The following INPP4B variants were observed in gnomAD, a reference collection of about 807,000 sequenced individuals.
The protein encoded by INPP4B is inositol polyphosphate-4-phosphatase type II B, also known as inositol polyphosphate 4-phosphatase type II.
INPP4B carries 55 observed loss-of-function variants against 122.5 expected under a neutral mutation model. That is an observed-to-expected ratio of 0.45 (90% CI 0.36 to 0.56). INPP4B has a LOEUF of 0.56. INPP4B is among the 20% of genes least tolerant of loss of function. INPP4B has a pLI of 0.00. For missense variants in INPP4B, 1,000 were observed against 1,097.7 expected (o/e 0.91, Z 1.26); for synonymous variants, 403 against 388.7 (o/e 1.04, Z -0.43).
intron 2 of INPP4B, among the ~76,000 whole-genome samples, chr4:142,640,110 A>C (rs1343614572): frequency 6.6e-6 from 1 of 152,178 alleles, no homozygotes; most frequent in Non-Finnish European, 1.5e-5. Flanking sequence ...CTGTGACTGT[A>C]CTAGGCAAAC....
In INPP4B at chr4:142,397,939, T is replaced by G. The variant is rs189245673; in HGVS notation, c.372+4999A>C. 3.9e-5 allele frequency among the ~76,000 whole-genome samples: 6 copies of G among 152,222 alleles called. No homozygotes were observed. The East Asian group carries it at 7.7e-4, about 20-fold the overall frequency. ...GGAAATAAAAGTGAGAGAAATCCTA[T>G]GGACAATATATGTACCATAACATAG... On this transcript the variant is annotated intron_variant, in intron 7 of 25. Transcript: ENST00000262992.
intron 2 of INPP4B, among the ~76,000 whole-genome samples, chr4:142,699,868 T>G (rs1761495402): frequency 6.6e-6 from 1 of 152,112 alleles, no homozygotes; most frequent in South Asian, 2.1e-4. Flanking sequence ...TAAAACTAAC[T>G]CCAATTTATA....
At chr4:142,040,464 C>G (rs540911627) in intron 25 of INPP4B, among the ~76,000 whole-genome samples, 5 of 151,960 alleles carry the variant, frequency 3.3e-5, no homozygotes, top group Non-Finnish European at 5.9e-5. Context: ...TGGAGGAGAG[C>G]GTAAAATAAT....
At chr4:142,080,402 G>A (rs1441220757) in intron 25 of INPP4B, among the ~76,000 whole-genome samples, 1 of 151,962 alleles carries the variant, frequency 6.6e-6, no homozygotes. Context: ...CTCACACTCT[G>A]GCACGGTCCT....
chr4:142,146,452 A>T (rs336399), intron 17 of INPP4B, among the ~76,000 whole-genome samples: 71,542 of 151,894 alleles, frequency 0.47, 20,598 homozygotes, highest in East Asian at 0.68. Context: ...GTATATTCAC[A>T]TTGTCATACA....
chr4:142,596,767 C>T lies in INPP4B; in HGVS notation c.-191+129072G>A, dbSNP rs1206781837. Among the ~76,000 whole-genome samples, 3 of 152,202 alleles carry T rather than the reference C, an allele frequency of 2.0e-5. No homozygotes were observed. In the East Asian group the frequency reaches 5.8e-4, roughly 29 times the overall value. ...CACCACAATCCTTAGCACATGGCCT[C>T]TCTGCTATCAGCTAAAGCAGCATGC... On this transcript the variant is annotated intron_variant, in intron 2 of 25. Coordinates refer to ENST00000262992, the MANE Select transcript of INPP4B (RefSeq NM_001101669.3).
At chr4:142,323,484 C>A (rs1486729281) in intron 7 of INPP4B, among the ~76,000 whole-genome samples, 1 of 133,178 alleles carries the variant, frequency 7.5e-6, no homozygotes, top group African/African-American at 2.8e-5. Flanking sequence ...CTCACTCTGT[C>A]GCCCAGGCTG....
At chr4:142,206,355 CT>C (rs35063723) in intron 14 of INPP4B, among the ~76,000 whole-genome samples, 99,673 of 129,908 alleles carry the variant, frequency 0.77, 37,616 homozygotes, top group Non-Finnish European at 0.82. Flanking sequence ...CTCTCTCTCT[CT>C]TTTTTTTTTT....
chr4:142,772,507 G>T lies in INPP4B; in HGVS notation c.-253-46606C>A, dbSNP rs150964260. Among the ~76,000 whole-genome samples the T allele has an allele frequency of 7.8e-4, 118 of 152,234 alleles. 1 individual carries two copies. The highest frequency in any genetic ancestry group is 2.5e-3 in the South Asian group (12 of 4,826). Reference sequence around the variant, plus strand: ...CTTAAATAATGCATAGATATCAGTAGATGGAAGAAAAGGGAAGGAGCTGAA... The same window carrying T: ...CTTAAATAATGCATAGATATCAGTATATGGAAGAAAAGGGAAGGAGCTGAA... On this transcript the variant is annotated intron_variant, in intron 1 of 25. Transcript: ENST00000262992.
chr4:142,442,878 A>G (rs1050988050), intron 3 of INPP4B, among the ~76,000 whole-genome samples: 1 of 152,190 alleles, frequency 6.6e-6, no homozygotes, highest in Admixed American at 6.5e-5. Flanking sequence ...AGGCTTCACA[A>G]TCATGGTGGA....
At chr4:142,035,673 C>CA (rs1312204837) in intron 25 of INPP4B, among the ~76,000 whole-genome samples, 1 of 152,134 alleles carries the variant, frequency 6.6e-6, no homozygotes. Flanking sequence ...TTTGGGTAAA[C>CA]AATAGTCATA....
At chr4:142,329,534 G>T (rs999738817) in intron 7 of INPP4B, among the ~76,000 whole-genome samples, 5 of 152,176 alleles carry the variant, frequency 3.3e-5, no homozygotes, top group African/African-American at 9.7e-5. Context: ...GATGTGTGGA[G>T]AACGGACTGC....
At chr4:142,474,871 G>T (rs1400347112) in intron 2 of INPP4B, among the ~76,000 whole-genome samples, 1 of 152,116 alleles carries the variant, frequency 6.6e-6, no homozygotes, top group Non-Finnish European at 1.5e-5. Flanking sequence ...ACTTAAATTT[G>T]CCAAAGACCA....
At chr4:142,063,683 A>C (rs1762129427) in intron 25 of INPP4B, among the ~76,000 whole-genome samples, 1 of 152,200 alleles carries the variant, frequency 6.6e-6, no homozygotes, top group Non-Finnish European at 1.5e-5. Flanking sequence ...GTATGCTGAC[A>C]TCCTAAAATC....
intron 2 of INPP4B, among the ~76,000 whole-genome samples, chr4:142,494,205 C>T (rs1318645573): frequency 6.6e-6 from 1 of 152,108 alleles, no homozygotes; most frequent in Non-Finnish European, 1.5e-5. Flanking sequence ...CCCAGTCTCT[C>T]ATATCTTTAT....
At chr4:142,277,467 G>A (rs371816382) in intron 9 of INPP4B, among the ~76,000 whole-genome samples, 2 of 151,942 alleles carry the variant, frequency 1.3e-5, no homozygotes, top group East Asian at 3.9e-4. Context: ...TAACCACTAT[G>A]GAAAACAGTG....
chr4:142,260,530 C>T lies in INPP4B; in HGVS notation c.650G>A (p.Ser217Asn). 1 of 1,608,822 alleles carries T rather than the reference C, an allele frequency of 6.2e-7. No homozygotes were observed. The highest frequency in any genetic ancestry group is 8.5e-7 in the Non-Finnish European group (1 of 1,177,304). ...ALVCECTAPE[S>N]VSGKDNLPFL... ...AGGTAAGTTATCTTTTCCGCTCACACTTTCCGGGGCTGTACATTCACATAC... is the reference window on the plus strand; with the variant it reads ...AGGTAAGTTATCTTTTCCGCTCACATTTTCCGGGGCTGTACATTCACATAC... The change falls in exon 11 of 26, where the codon AGT becomes AAT. Residue 217 changes from serine to asparagine, a missense_variant. Ser to Asn is a conservative substitution (Grantham distance 46). Transcript: ENST00000262992.
chr4:142,835,474 GA>G (rs1014382566), intron 1 of INPP4B, among the ~76,000 whole-genome samples: 78 of 152,206 alleles, frequency 5.1e-4, no homozygotes, highest in Middle Eastern at 3.4e-3. Context: ...TTATACGTAT[GA>G]AAAAAATTCT....
chr4:142,206,699 C>T (rs1352417342), intron 14 of INPP4B, among the ~76,000 whole-genome samples: 1 of 151,944 alleles, frequency 6.6e-6, no homozygotes, highest in Admixed American at 6.6e-5. Flanking sequence ...AATATATACT[C>T]TTTAAACCAT....
Sources: gnomAD v4.1 joint callset for allele counts (sites outside exome capture counted in the v4.1 genomes callset) on GRCh38, gnomAD v4.1.1 for gene constraint, MANE v1.5 for transcripts, NCBI Gene and HGNC (gene_info 2026-07-23, HGNC 2026-07-21) for gene names.